PTPRE: variants seen among roughly 807,000 people sequenced by gnomAD.
PTPRE encodes the protein receptor-type tyrosine-protein phosphatase epsilon.
In PTPRE, 51 loss-of-function variants were observed where a neutral mutation model predicts 102.0. That is an observed-to-expected ratio of 0.50 (90% CI 0.40 to 0.63). PTPRE has a LOEUF of 0.63. Ranked by LOEUF, PTPRE falls within the 30% of genes least tolerant of loss-of-function variation. The pLI, the probability that PTPRE is intolerant of heterozygous loss-of-function variation, is 0.00. For synonymous variants in PTPRE, 345 were observed against 348.2 expected (o/e 0.99, Z 0.10); for missense variants, 752 against 915.1 (o/e 0.82, Z 2.30).
chr10:128,075,266 A>G (rs1034507597), intron 17 of PTPRE, among the ~76,000 whole-genome samples: 1 of 152,236 alleles, frequency 6.6e-6, no homozygotes, highest in Non-Finnish European at 1.5e-5. Flanking sequence ...TTTTACAAAC[A>G]GTGCTACCTG....
intron 5 of PTPRE, among the ~76,000 whole-genome samples, chr10:128,049,240 TG>T (rs1465159395): frequency 2.5e-5 from 3 of 121,634 alleles, no homozygotes; most frequent in Non-Finnish European, 5.1e-5. Context: ...GGTGGGAGGG[TG>T]GGTGGATGAG....
At chr10:127,987,407 C>T (rs970260918) in intron 2 of PTPRE, 114 of 1,195,334 alleles carry the variant, frequency 9.5e-5, no homozygotes, top group Non-Finnish European at 1.2e-4. Flanking sequence ...TAACGGGGAG[C>T]TCAGAGGGGT....
Position 128,085,156 on chromosome 10 carries a change from T to C in PTPRE, c.*2250T>C, listed in dbSNP as rs180997669. 1.1e-3 allele frequency: 493 copies of C among 455,054 alleles called. No homozygotes were observed. The highest frequency in any genetic ancestry group is 1.7e-3 in the Non-Finnish European group (386 of 226,288). The allele number at this position is 455,054 out of a possible 1,614,324, so 28.2% of individuals were successfully genotyped here. On this transcript the variant is annotated 3_prime_UTR_variant, in exon 21 of 21. Transcript: ENST00000254667. Reference sequence around the variant, plus strand: ...CAGCGTTCGCCCTTTAGCGGGGAGGTCATTACAGCCTCATGGCCTCTACCA... The same window carrying C: ...CAGCGTTCGCCCTTTAGCGGGGAGGCCATTACAGCCTCATGGCCTCTACCA...
intron 2 of PTPRE, among the ~76,000 whole-genome samples, chr10:128,014,737 T>G (rs191047962): frequency 6.6e-6 from 1 of 152,120 alleles, no homozygotes; most frequent in Non-Finnish European, 1.5e-5. Context: ...CAGCTTCACC[T>G]TGGCTTGTTG....
chr10:128,058,666 C>T (rs1849226736), intron 7 of PTPRE, among the ~76,000 whole-genome samples: 1 of 152,172 alleles, frequency 6.6e-6, no homozygotes, highest in South Asian at 2.1e-4. Flanking sequence ...TCCACCCGCC[C>T]CCAGGGTGAC....
chr10:128,053,357 A>G (rs10829321), intron 6 of PTPRE, among the ~76,000 whole-genome samples: 96,709 of 152,102 alleles, frequency 0.64, 31,633 homozygotes, highest in Admixed American at 0.73. Flanking sequence ...CCAATCACAC[A>G]ATATTTATTG....
intron 2 of PTPRE, among the ~76,000 whole-genome samples, chr10:127,986,967 A>G (rs952396415): frequency 2.0e-5 from 3 of 152,300 alleles, no homozygotes; most frequent in East Asian, 3.9e-4. Flanking sequence ...GCACCAATGG[A>G]TTCCACGGGT....
intron 2 of PTPRE, among the ~76,000 whole-genome samples, chr10:128,013,714 A>G (rs916147119): frequency 6.6e-6 from 1 of 152,168 alleles, no homozygotes; most frequent in Non-Finnish European, 1.5e-5. Context: ...GGACACAGCA[A>G]AAAGGTCTTG....
chr10:127,907,641 G>C lies in PTPRE; in HGVS notation c.-31+332G>C, dbSNP rs1845573926. Among the ~76,000 whole-genome samples, 3 of 152,116 alleles carry C rather than the reference G, an allele frequency of 2.0e-5. No individual in the cohort carries two copies. Among genetic ancestry groups the C allele is most frequent in the South Asian group, 4.1e-4 (2 of 4,824 alleles). ...CGGGTGGCTACAGTGCGCGGGGGCC[G>C]GCGGCAGGGCGGCGTACGTGAAAGC... On this transcript the variant is annotated intron_variant, in intron 1 of 20. Transcript: ENST00000254667. This position sits in a 1 kb window ranked among gnomAD's most constrained non-coding sequence, Gnocchi z 4.8.
At chr10:127,978,662 CCT>C (rs1435100429) in intron 1 of PTPRE, among the ~76,000 whole-genome samples, 88 of 152,198 alleles carry the variant, frequency 5.8e-4, no homozygotes, top group East Asian at 1.9e-4. Flanking sequence ...TTGCCGCTGC[CCT>C]GTCTCCTCGC....
intron 7 of PTPRE, among the ~76,000 whole-genome samples, chr10:128,058,024 T>C (rs1354766524): frequency 6.6e-6 from 1 of 152,242 alleles, no homozygotes; most frequent in Admixed American, 6.5e-5. Flanking sequence ...TTGCCAACCA[T>C]ATGTGTTAAG....
Position 128,028,919 on chromosome 10 carries a change from G to A in PTPRE, c.-7-11956G>A, listed in dbSNP as rs115133937. Among the ~76,000 whole-genome samples, 3,725 of 152,264 alleles carry A rather than the reference G, an allele frequency of 0.024. 83 individuals carry two copies. Among genetic ancestry groups the A allele is most frequent in the African/African-American group, 0.048 (2,011 of 41,538 alleles). The stretch of plus-strand genomic sequence containing the variant: ...GCCTCAGCTGTCCTCCTCGAGGAGC[G>A]CTATCCTGCTCCGTCTCTGCTCAGG... On this transcript the variant is annotated intron_variant, in intron 2 of 20. Coordinates refer to ENST00000254667, the MANE Select transcript of PTPRE (RefSeq NM_006504.6). This position sits in a 1 kb window ranked among gnomAD's most constrained non-coding sequence, Gnocchi z 4.5.
chr10:127,942,623 A>C (rs1303909293), intron 1 of PTPRE, among the ~76,000 whole-genome samples: 1 of 152,260 alleles, frequency 6.6e-6, no homozygotes, highest in Non-Finnish European at 1.5e-5. Flanking sequence ...AGTTACACAC[A>C]GACAAATACT....
intron 2 of PTPRE, among the ~76,000 whole-genome samples, chr10:128,024,474 A>T (rs1362717617): frequency 1.3e-5 from 2 of 152,224 alleles, no homozygotes; most frequent in African/African-American, 4.8e-5. Flanking sequence ...ATCCAGATAG[A>T]CTTAATTCTC....
intron 1 of PTPRE, among the ~76,000 whole-genome samples, chr10:127,936,564 T>G (rs1847857450): frequency 6.6e-6 from 1 of 152,196 alleles, no homozygotes; most frequent in South Asian, 2.1e-4. Context: ...GGTCTTCAGA[T>G]AGGGGTAGAA....
chr10:127,988,424 A>G (rs1223145989), intron 2 of PTPRE, among the ~76,000 whole-genome samples: 1 of 145,838 alleles, frequency 6.9e-6, no homozygotes, highest in Non-Finnish European at 1.5e-5. Flanking sequence ...TCCTGCCTCT[A>G]CCTCCTGAGT....
chr10:128,029,734 G>A (rs1489485962), intron 2 of PTPRE, among the ~76,000 whole-genome samples: 1 of 152,248 alleles, frequency 6.6e-6, no homozygotes, highest in Non-Finnish European at 1.5e-5. Context: ...AAGACGGCAT[G>A]TGTCCAAGTT....
At chr10:128,081,692 G>A (rs552525684) in intron 20 of PTPRE, among the ~76,000 whole-genome samples, 5 of 152,186 alleles carry the variant, frequency 3.3e-5, no homozygotes, top group Non-Finnish European at 7.3e-5. Context: ...CCTTCTGAAG[G>A]CTGGGTGATC....
intron 1 of PTPRE, among the ~76,000 whole-genome samples, chr10:127,908,100 C>T (rs1426604884): frequency 6.6e-6 from 1 of 152,206 alleles, no homozygotes; most frequent in East Asian, 1.9e-4. Flanking sequence ...GCATGCAAAC[C>T]TTTCCAGAAA....
Sources: gnomAD v4.1 joint callset for allele counts (sites outside exome capture counted in the v4.1 genomes callset) on GRCh38, gnomAD v4.1.1 for gene constraint, Gnocchi (gnomAD v3.1) non-coding constraint, MANE v1.5 for transcripts, NCBI Gene and HGNC (gene_info 2026-07-23, HGNC 2026-07-21) for gene names.